Variants in MON2 observed in about 807,000 individuals in gnomAD.
MON2 encodes the protein protein MON2 homolog.
Under a neutral mutation model 208.6 loss-of-function variants are expected in MON2, and 84 were observed. The ratio of observed to expected loss-of-function variants is 0.40; its 90% CI spans 0.34 to 0.48. The LOEUF (loss-of-function observed/expected upper bound fraction) is 0.48, where lower values mean the gene tolerates loss of function less well. Among genes scored for constraint, MON2 ranks in the 20% least tolerant of loss-of-function variants. MON2 has a pLI of 0.59. For missense variants in MON2, 1,611 were observed against 2,015.4 expected (o/e 0.80, Z 3.84); for synonymous variants, 660 against 694.0 (o/e 0.95, Z 0.77).
intron 12 of MON2, among the ~76,000 whole-genome samples, chr12:62,534,539 AAAAATATAT>A (rs1565656033): frequency 1.3e-4 from 3 of 22,968 alleles, no homozygotes; most frequent in Non-Finnish European, 2.5e-4. Context: ...AAAAAAAAAA[AAAAATATAT>A]ATATATATAT....
intron 19 of MON2, among the ~76,000 whole-genome samples, chr12:62,539,755 G>T (rs1049556724): frequency 6.6e-6 from 1 of 151,674 alleles, no homozygotes; most frequent in Non-Finnish European, 1.5e-5. Context: ...GGTGGCTTAC[G>T]CCTGTAATCC....
intron 8 of MON2, among the ~76,000 whole-genome samples, chr12:62,513,886 C>A (rs1377758895): frequency 6.9e-6 from 1 of 145,818 alleles, no homozygotes; most frequent in Non-Finnish European, 1.5e-5. Flanking sequence ...GGAGGCAGAG[C>A]TTGCAATGAG....
chr12:62,561,215 GT>G, intron 26 of MON2, 102 bp downstream of exon 26: 1 of 942,896 alleles, frequency 1.1e-6, no homozygotes, highest in Non-Finnish European at 1.5e-6. Context: ...CATCAAGATT[GT>G]TTTATATGTA....
In MON2 at chr12:62,599,093, C is replaced by T. The variant is rs2075579819; in HGVS notation, c.*6344C>T. ...TAAAGACTTTACGAGTAGTGAGTCA[C>T]ATGTTTAGGATGATCACTTTGGGAA... On this transcript the variant is annotated 3_prime_UTR_variant, in exon 35 of 35. Transcript: ENST00000393630. 6.7e-6 allele frequency: 1 copy of T among 149,110 alleles called. No individual in the cohort carries two copies. Among genetic ancestry groups the T allele is most frequent in the Non-Finnish European group, 1.5e-5 (1 of 67,480 alleles). The allele number at this position is 149,110 out of a possible 1,614,324, so 9.2% of individuals were successfully genotyped here. A position where few individuals can be genotyped will look rare whatever the true frequency, so the allele number is the denominator to read the frequency against.
intron 34 of MON2, among the ~76,000 whole-genome samples, chr12:62,589,832 T>C (rs1322552866): frequency 1.3e-5 from 2 of 148,380 alleles, no homozygotes; most frequent in Non-Finnish European, 3.0e-5. Context: ...ACAAAGCCAA[T>C]AGGTTATATG....
rs369166192 is a variant in MON2 at position 62,560,863 on chromosome 12, T to G, written c.3782T>G (p.Phe1261Cys). The G allele has an allele frequency of 6.8e-6, 11 of 1,614,148 alleles. No homozygotes were observed. Among genetic ancestry groups the G allele is most frequent in the Non-Finnish European group, 9.3e-6 (11 of 1,179,998 alleles). ...GAAAGTACTAAGCCTCCTATTACTT[T>G]TGATAAACTAACTTTTATTCCTAGC... ...GSESTKPPIT[F>C]DKLTFIPSQP... The change falls in exon 26 of 35, where the codon TTT (phenylalanine) becomes TGT (cysteine). Residue 1261 changes from phenylalanine to cysteine, a missense_variant. By Grantham distance (205) the Phe-to-Cys change is radical. Coordinates refer to ENST00000393630, the MANE Select transcript of MON2 (RefSeq NM_015026.3).
At chr12:62,497,475 T>G (rs1331753333) in intron 4 of MON2, among the ~76,000 whole-genome samples, 2 of 152,162 alleles carry the variant, frequency 1.3e-5, no homozygotes, top group African/African-American at 4.8e-5. Context: ...GGAAATAGTA[T>G]TATGCTTCCA....
chr12:62,536,736 A>G (rs927424251), intron 14 of MON2, among the ~76,000 whole-genome samples: 2 of 149,034 alleles, frequency 1.3e-5, no homozygotes, highest in African/African-American at 2.5e-5. Flanking sequence ...CGCTCAGCCT[A>G]GAGTGCAGTG....
intron 1 of MON2, among the ~76,000 whole-genome samples, chr12:62,478,118 A>G (rs2069194138): frequency 7.3e-6 from 1 of 136,852 alleles, no homozygotes; most frequent in East Asian, 2.0e-4. Flanking sequence ...TTGTAGATAT[A>G]ATTTGTGTGT....
At chr12:62,571,257 C>T (rs1006289716) in intron 29 of MON2, 135 bp from the exon 30 acceptor site, 3 of 670,006 alleles carry the variant, frequency 4.5e-6, no homozygotes, top group South Asian at 6.1e-5. Flanking sequence ...GAAATAACAT[C>T]CTTTTTAAAT....
chr12:62,580,192 C>A, intron 31 of MON2, 105 bp from the exon 32 acceptor site: 1 of 1,110,150 alleles, frequency 9.0e-7, no homozygotes, highest in Non-Finnish European at 1.3e-6. Context: ...AAGGAGAGTT[C>A]TTTAACTGAT....
chr12:62,517,233 C>G (rs1037103919), intron 8 of MON2, among the ~76,000 whole-genome samples: 4 of 152,146 alleles, frequency 2.6e-5, no homozygotes, highest in African/African-American at 9.7e-5. Context: ...AACAGTTCCC[C>G]TTTTCCTTTT....
chr12:62,517,926 T>G (rs1358844039), intron 8 of MON2, among the ~76,000 whole-genome samples: 1 of 152,252 alleles, frequency 6.6e-6, no homozygotes, highest in Non-Finnish European at 1.5e-5. Flanking sequence ...TGATTTCATC[T>G]GTTCTGGACA....
chr12:62,500,326 T>C (rs1393686249), intron 5 of MON2, among the ~76,000 whole-genome samples: 1 of 152,202 alleles, frequency 6.6e-6, no homozygotes, highest in Non-Finnish European at 1.5e-5. Context: ...AGCTGATTCT[T>C]AGCTGGTGAG....
chr12:62,535,468 C>T, intron 13 of MON2, 57 bp from the exon 14 acceptor site: 3 of 1,271,600 alleles, frequency 2.4e-6, no homozygotes, highest in Non-Finnish European at 2.1e-6. Flanking sequence ...CCACATCATG[C>T]TTTACAATGT....
intron 16 of MON2, among the ~76,000 whole-genome samples, 185 bp downstream of exon 16, chr12:62,537,891 A>G (rs1157735370): frequency 6.6e-6 from 1 of 152,174 alleles, no homozygotes; most frequent in East Asian, 1.9e-4. Flanking sequence ...AATGCTTCTC[A>G]TAATGGCCTA....
At chr12:62,490,421 CAG>C (rs1259328758) in intron 2 of MON2, among the ~76,000 whole-genome samples, 16 of 151,306 alleles carry the variant, frequency 1.1e-4, no homozygotes, top group Non-Finnish European at 2.2e-4. Flanking sequence ...GCCTTTTTGT[CAG>C]TGTGATTTCT....
intron 4 of MON2, among the ~76,000 whole-genome samples, chr12:62,498,332 G>A (rs76059419): frequency 0.02 from 3,083 of 152,256 alleles, 95 homozygotes; most frequent in African/African-American, 0.069. Flanking sequence ...GGGGCCACGG[G>A]TAGAGGAAGA....
At chr12:62,547,774 CTTATA>C (rs1337692263) in intron 22 of MON2, among the ~76,000 whole-genome samples, 1 of 152,118 alleles carries the variant, frequency 6.6e-6, no homozygotes, top group African/African-American at 2.4e-5. Flanking sequence ...TACATAAATA[CTTATA>C]TTATGTTACA....
Sources: gnomAD v4.1 joint callset for allele counts (sites outside exome capture counted in the v4.1 genomes callset) on GRCh38, gnomAD v4.1.1 for gene constraint, MANE v1.5 for transcripts, NCBI Gene and HGNC (gene_info 2026-07-23, HGNC 2026-07-21) for gene names.